The following MAF variants were observed in gnomAD, a reference collection of about 807,000 sequenced individuals.
MAF encodes MAF bZIP transcription factor.
MAF carries 10 observed loss-of-function variants against 22.0 expected under a neutral mutation model. That is an observed-to-expected ratio of 0.45 (90% confidence interval 0.28 to 0.77). The LOEUF (loss-of-function observed/expected upper bound fraction) is 0.77, where lower values mean the gene tolerates loss of function less well. Ranked by LOEUF, MAF falls within the 30% of genes least tolerant of loss-of-function variation. The pLI, the probability that MAF is intolerant of heterozygous loss-of-function variation, is 0.12. For synonymous variants in MAF, 337 were observed against 255.8 expected, an observed-to-expected ratio of 1.32 and a Z score of -3.03; for missense variants, 544 against 548.4, an observed-to-expected ratio of 0.99 and a Z score of 0.08.
chr16:79,293,260 C>A, the MAF span, among the ~76,000 whole-genome samples: 2 of 152,010 alleles, frequency 1.3e-5, no homozygotes, highest in Non-Finnish European at 2.9e-5. Context: ...CTGAGCCACC[C>A]CAATAAGACT....
the MAF span, among the ~76,000 whole-genome samples, chr16:79,312,118 TTCATCATCA>T: frequency 6.6e-6 from 1 of 151,750 alleles, no homozygotes; most frequent in Non-Finnish European, 1.5e-5. Context: ...TTCTACCCCC[TTCATCATCA>T]TCATCATCAT....
the MAF span, among the ~76,000 whole-genome samples, chr16:79,252,183 G>A: frequency 6.6e-6 from 1 of 152,256 alleles, no homozygotes; most frequent in East Asian, 1.9e-4. Flanking sequence ...TAGGCTTTGT[G>A]GGTCGTACGA....
the MAF span, among the ~76,000 whole-genome samples, chr16:79,480,176 G>T: frequency 1.3e-5 from 2 of 152,062 alleles, no homozygotes; most frequent in African/African-American, 4.8e-5. Context: ...CAGTAAACGC[G>T]TGAGTATCCA....
the MAF span, among the ~76,000 whole-genome samples, chr16:79,276,077 G>A: frequency 2.0e-5 from 3 of 152,132 alleles, no homozygotes; most frequent in African/African-American, 2.4e-5. Flanking sequence ...GGAGGCAGAG[G>A]TTGCAGTGAG....
the MAF span, among the ~76,000 whole-genome samples, chr16:79,383,844 G>C: frequency 6.6e-6 from 1 of 152,136 alleles, no homozygotes; most frequent in East Asian, 1.9e-4. Flanking sequence ...AGTTTAAAAG[G>C]ATGAACTAGT....
the MAF span, among the ~76,000 whole-genome samples, chr16:79,261,994 A>G: frequency 6.6e-6 from 1 of 152,158 alleles, no homozygotes; most frequent in Non-Finnish European, 1.5e-5. Flanking sequence ...TGCAGAAAAC[A>G]TCATGCACAA....
rs1913816874 is a variant in MAF, at chr16:79,599,226, C to A, written c.677G>T (p.Gly226Val). ...AGGGGPASAGGGGGGGGGGGG... is the reference protein window; with the variant it reads ...AGGGGPASAGVGGGGGGGGGG... ...TCCGCCGCCGCCGCCGCCGCCGCCG[C>A]CCCCAGCGCTGGCCGGGCCACCGCC... The change falls in exon 1 of 2, where the codon GGC becomes GTC. Residue 226 changes from glycine to valine, a missense_variant. Gly to Val is a moderately radical substitution (Grantham distance 109, BLOSUM62 -3). This residue lies in a region of MAF where 342 missense variants were observed against 315.5 expected (regional missense o/e 1.08). Transcript: ENST00000326043. 1 of 978,422 alleles carries A rather than the reference C, an allele frequency of 1.0e-6. No homozygotes were observed. The highest frequency in any genetic ancestry group is 1.2e-6 in the Non-Finnish European group (1 of 826,984). 60.6% of individuals were successfully genotyped at this position (978,422 alleles called of 1,614,324 possible).
the MAF span, among the ~76,000 whole-genome samples, chr16:79,214,607 A>T: frequency 1.4e-5 from 2 of 141,284 alleles, no homozygotes; most frequent in Non-Finnish European, 3.0e-5. Context: ...GGGTTTCACT[A>T]TGTTGGCCAG....
chr16:79,225,484 A>C, the MAF span, among the ~76,000 whole-genome samples: 1 of 152,218 alleles, frequency 6.6e-6, no homozygotes, highest in African/African-American at 2.4e-5. Context: ...TTCATGACTA[A>C]AACAGCCAAA....
At chr16:79,357,710 A>T in the MAF span, among the ~76,000 whole-genome samples, 2 of 152,022 alleles carry the variant, frequency 1.3e-5, no homozygotes, top group African/African-American at 4.8e-5. Context: ...TGGTTACTAG[A>T]TGCTGCCCAG....
chr16:79,342,606 TTGTCACCATCACCATCACCACCAC>T, the MAF span, among the ~76,000 whole-genome samples: 77 of 151,590 alleles, frequency 5.1e-4, no homozygotes, highest in Non-Finnish European at 7.8e-4. Context: ...ATCATCATCA[TTGTCACCATCACCATCACCACCAC>T]TGTCACCATT....
the MAF span, among the ~76,000 whole-genome samples, chr16:79,522,559 T>G: frequency 6.6e-6 from 1 of 152,226 alleles, no homozygotes; most frequent in Non-Finnish European, 1.5e-5. Flanking sequence ...ACAGCCTTCC[T>G]AATTTTGCCC....
At chr16:79,347,970 G>A in the MAF span, among the ~76,000 whole-genome samples, 7 of 152,328 alleles carry the variant, frequency 4.6e-5, 1 homozygote, top group African/African-American at 1.4e-4. Context: ...TTTTAAATTA[G>A]GGAGTGAAGG....
chr16:79,531,219 AC>A, the MAF span, among the ~76,000 whole-genome samples: 1 of 152,162 alleles, frequency 6.6e-6, no homozygotes, highest in Non-Finnish European at 1.5e-5. Flanking sequence ...GGTCTTCCTA[AC>A]TTCATAGGAT....
the MAF span, among the ~76,000 whole-genome samples, chr16:79,303,338 G>C: frequency 6.6e-6 from 1 of 152,186 alleles, no homozygotes; most frequent in Non-Finnish European, 1.5e-5. Context: ...TAAATAGCAG[G>C]GCTTATGATA....
the MAF span, among the ~76,000 whole-genome samples, chr16:79,420,334 G>A: frequency 6.6e-6 from 1 of 152,136 alleles, no homozygotes; most frequent in East Asian, 1.9e-4. Context: ...CAGCAGCGAC[G>A]GCAGACAAAA....
the MAF span, among the ~76,000 whole-genome samples, chr16:79,279,080 C>T: frequency 1.3e-5 from 2 of 152,160 alleles, no homozygotes; most frequent in African/African-American, 4.8e-5. Flanking sequence ...TTCTCACCTC[C>T]AGCTGCTCCG....
the MAF span, among the ~76,000 whole-genome samples, chr16:79,464,418 GGCTGTCCAAAGATTGGACAAT>G: frequency 3.3e-5 from 5 of 152,054 alleles, no homozygotes; most frequent in African/African-American, 4.8e-5. Context: ...ATATATGATG[GGCTGTCCAAAGATTGGACAAT>G]GCTGTCCAAT....
chr16:79,539,330 C>G, the MAF span, among the ~76,000 whole-genome samples: 1 of 152,258 alleles, frequency 6.6e-6, no homozygotes, highest in Admixed American at 6.5e-5. Context: ...TGGTAAAACC[C>G]TGTATCTGCT....
Sources: allele counts gnomAD v4.1 joint callset (sites outside exome capture counted in the v4.1 genomes callset), GRCh38; gene constraint gnomAD v4.1.1; regional missense constraint gnomAD v4.1.1; transcripts MANE v1.5; gene names NCBI Gene and HGNC (gene_info 2026-07-23, HGNC 2026-07-21).